B4GALT7: variants seen among roughly 807,000 people sequenced by gnomAD.
B4GALT7 encodes the protein UDP-Gal:beta-GlcNAc beta-1,4-galactosyltransferase 7.
Under a neutral mutation model 33.0 loss-of-function variants are expected in B4GALT7, and 30 were observed. The ratio of observed to expected loss-of-function variants is 0.91; its 90% CI spans 0.68 to 1.23. B4GALT7 has a LOEUF of 1.23. Among genes scored for constraint, B4GALT7 ranks in the 50% most tolerant of loss-of-function variants. B4GALT7 has a pLI of 0.00. For missense variants in B4GALT7, 507 were observed against 450.8 expected (o/e 1.12, Z -1.13); for synonymous variants, 213 against 187.2 (o/e 1.14, Z -1.13).
Position 177,608,537 on chromosome 5 carries a change from A to G in B4GALT7, c.640-2A>G. The G allele has an allele frequency of 6.2e-7, 1 of 1,611,400 alleles. No homozygotes were observed. The highest frequency in any genetic ancestry group is 8.5e-7 in the Non-Finnish European group (1 of 1,178,818). ...GAGTGACGCTGCTTGTCTCTGTGTC[A>G]GTGCAATGGGATGTCCAACCGCTTC... is the stretch of plus-strand genomic sequence containing the variant. On this transcript the variant is annotated splice_acceptor_variant, in intron 3 of 5. Transcript: ENST00000029410. LOFTEE classifies it high-confidence loss of function. The surrounding 1 kb of genome is among the most constrained non-coding windows in gnomAD (Gnocchi z 4.1).
chr5:177,609,324 C>T (rs1768109588), intron 5 of B4GALT7, among the ~76,000 whole-genome samples: 2 of 152,176 alleles, frequency 1.3e-5, no homozygotes, highest in Admixed American at 1.3e-4. Flanking sequence ...CAAACAGCCC[C>T]TTCTCTAGGA....
At chr5:177,607,650 G>A in intron 3 of B4GALT7, 123 bp downstream of exon 3, 2 of 954,390 alleles carry the variant, frequency 2.1e-6, no homozygotes, top group Non-Finnish European at 3.2e-6. Flanking sequence ...CCTAGCAGGA[G>A]AACTTGGGAG....
chr5:177,610,287 T>A lies in B4GALT7; in HGVS notation c.*592T>A, dbSNP rs1768145170. ...TGCTGGATTCTTAAGTGATATCTTC[T>A]GATTTTTTAAATGATAGCACCTAAA... On this transcript the variant is annotated 3_prime_UTR_variant, in exon 6 of 6. Transcript: ENST00000029410. 6.4e-6 allele frequency: 1 copy of A among 155,308 alleles called. No homozygotes were observed. The highest frequency in any genetic ancestry group is 2.4e-5 in the African/African-American group (1 of 41,510). The allele number at this position is 155,308 out of a possible 1,614,324, so 9.6% of individuals were successfully genotyped here. A position where few individuals can be genotyped will look rare whatever the true frequency, so the allele number is the denominator to read the frequency against.
In B4GALT7 at chr5:177,609,522, T is replaced by G; in HGVS notation, c.829-18T>G. On this transcript the variant is annotated intron_variant, in intron 5 of 5. Coordinates refer to ENST00000029410, the MANE Select transcript of B4GALT7 (RefSeq NM_007255.3). Reference sequence around the variant, plus strand: ...CATGCAGCCCTGAGTCCGTGCTCTTTCCTCTCTTCCTCCCCAGGAGCAGTT... The same window carrying G: ...CATGCAGCCCTGAGTCCGTGCTCTTGCCTCTCTTCCTCCCCAGGAGCAGTT... 2 of 1,612,578 alleles carry G rather than the reference T, an allele frequency of 1.2e-6. No individual in the cohort carries two copies. Among genetic ancestry groups the G allele is most frequent in the Non-Finnish European group, 1.7e-6 (2 of 1,179,980 alleles).
chr5:177,602,078 C>T (rs957759253), intron 1 of B4GALT7, among the ~76,000 whole-genome samples: 2 of 152,144 alleles, frequency 1.3e-5, no homozygotes, highest in African/African-American at 4.8e-5. Flanking sequence ...ACCCTGTCCC[C>T]AGAAAAAGCC....
In B4GALT7 at chr5:177,608,134, G is replaced by A. The variant is rs1768067236; in HGVS notation, c.640-405G>A. On this transcript the variant is annotated intron_variant, in intron 3 of 5. Transcript: ENST00000029410. The surrounding 1 kb of genome is among the most constrained non-coding windows in gnomAD (Gnocchi z 4.1). ...AGCTTTATGTAAATGAAGCCCCTGA[G>A]CCAGGTGCAAGAATGGGTGTCTGTC... The A allele has an allele frequency of 4.0e-6, 1 of 248,064 alleles. No individual in the cohort carries two copies. Among genetic ancestry groups the A allele is most frequent in the South Asian group, 5.1e-5 (1 of 19,744 alleles). The allele number at this position is 248,064 out of a possible 1,614,324, so 15.4% of individuals were successfully genotyped here.
intron 1 of B4GALT7, 91 bp from the exon 2 acceptor site, chr5:177,604,088 G>A: frequency 1.9e-6 from 3 of 1,575,264 alleles, no homozygotes; most frequent in South Asian, 1.1e-5. Context: ...GACGAGTTAT[G>A]TGCAGCCTCC....
chr5:177,604,542 G>A lies in B4GALT7; in HGVS notation c.413+1G>A. On this transcript the variant is annotated splice_donor_variant, in intron 2 of 5. Transcript: ENST00000029410. LOFTEE classifies it high-confidence loss of function. The stretch of plus-strand genomic sequence containing the variant: ...TGCTCAACCAGGTGGACCACTTCAG[G>A]TAGCGCCCGCCCCCACCCTCTCCCC... 1 of 1,613,640 alleles carries A rather than the reference G, an allele frequency of 6.2e-7. No individual in the cohort carries two copies. The highest frequency in any genetic ancestry group is 8.5e-7 in the Non-Finnish European group (1 of 1,179,916).
Position 177,608,571 on chromosome 5 carries a change from G to C in B4GALT7, c.672G>C (p.Trp224Cys), listed in dbSNP as rs1394017597. Reference sequence around the variant, plus strand: ...GGATGTCCAACCGCTTCTGGGGCTGGGGCCGCGAGGACGACGAGTTCTACC... The same window carrying C: ...GGATGTCCAACCGCTTCTGGGGCTGCGGCCGCGAGGACGACGAGTTCTACC... ...CNGMSNRFWGWGREDDEFYRR... is the reference protein window; with the variant it reads ...CNGMSNRFWGCGREDDEFYRR... Residue 224 changes from tryptophan to cysteine, a missense_variant, in exon 4 of 6, where the codon TGG (tryptophan) becomes TGC (cysteine). Physicochemically the swap from Trp to Cys is radical, Grantham distance 215. Transcript: ENST00000029410. This position sits in a 1 kb window ranked among gnomAD's most constrained non-coding sequence, Gnocchi z 4.1. 4 of 1,614,074 alleles carry C rather than the reference G, an allele frequency of 2.5e-6. No individual in the cohort carries two copies. The highest frequency in any genetic ancestry group is 3.4e-6 in the Non-Finnish European group (4 of 1,180,022).
rs141456011 is a variant in B4GALT7, at chr5:177,606,908, C to T, written c.414-394C>T. 1,282 of 361,004 alleles carry T rather than the reference C, an allele frequency of 3.6e-3. 8 individuals carry two copies. The highest frequency in any genetic ancestry group is 0.018 in the Middle Eastern group (18 of 1,014). The allele number at this position is 361,004 out of a possible 1,614,324, so 22.4% of individuals were successfully genotyped here. ...CCTTCAGGTTTCTGTCACTCAGTTC[C>T]CCTGGCCCTCCCTGACGGCCCCACC... On this transcript the variant is annotated intron_variant, in intron 2 of 5. Coordinates refer to ENST00000029410, the MANE Select transcript of B4GALT7 (RefSeq NM_007255.3). This position sits in a 1 kb window ranked among gnomAD's most constrained non-coding sequence, Gnocchi z 4.2.
chr5:177,606,924 C>T lies in B4GALT7; in HGVS notation c.414-378C>T, dbSNP rs940620324. ...ACTCAGTTCCCCTGGCCCTCCCTGA[C>T]GGCCCCACCGAGGACAAGAGCCACC... On this transcript the variant is annotated intron_variant, in intron 2 of 5. Transcript: ENST00000029410. This position sits in a 1 kb window ranked among gnomAD's most constrained non-coding sequence, Gnocchi z 4.2. 10 of 367,060 alleles carry T rather than the reference C, an allele frequency of 2.7e-5. No individual in the cohort carries two copies. The highest frequency in any genetic ancestry group is 4.2e-5 in the African/African-American group (2 of 47,340). 22.7% of individuals were successfully genotyped at this position (367,060 alleles called of 1,614,324 possible).
chr5:177,604,352 GC>G lies in B4GALT7; in HGVS notation c.230del (p.Pro77GlnfsTer43). On this transcript the variant is annotated frameshift_variant, in exon 2 of 6. Coordinates refer to ENST00000029410, the MANE Select transcript of B4GALT7 (RefSeq NM_007255.3). LOFTEE classifies it high-confidence loss of function. ...GAGACCTCGGGCCCTCCCCGTGCCTGCCCCCCAGAGCCGCCCCCTGAGCACT... is the reference window on the plus strand; with the variant it reads ...GAGACCTCGGGCCCTCCCCGTGCCTGCCCCCAGAGCCGCCCCCTGAGCACT... Reference protein sequence around the residue: ...GQETSGPPRACPPEPPPEHWE... With the variant: ...GQETSGPPRAXPPEPPPEHWE... 1 of 1,611,726 alleles carries G rather than the reference GC, an allele frequency of 6.2e-7. No homozygotes were observed. The highest frequency in any genetic ancestry group is 1.1e-5 in the South Asian group (1 of 90,882).
intron 1 of B4GALT7, among the ~76,000 whole-genome samples, chr5:177,602,514 C>T (rs140743047): frequency 6.2e-4 from 94 of 152,134 alleles, no homozygotes; most frequent in African/African-American, 2.1e-3. Flanking sequence ...AAAGTGGGAG[C>T]ATTATGGGGG....
In B4GALT7 at chr5:177,609,787, T is replaced by C; in HGVS notation, c.*92T>C. On this transcript the variant is annotated 3_prime_UTR_variant, in exon 6 of 6. Coordinates refer to ENST00000029410, the MANE Select transcript of B4GALT7 (RefSeq NM_007255.3). ...GGTCGTGGGCCCAGCTCTGACAGGA[T>C]GTGGAGTGGCCAGGACCAAGACAGC... 2 of 1,505,800 alleles carry C rather than the reference T, an allele frequency of 1.3e-6. No individual in the cohort carries two copies. Among genetic ancestry groups the C allele is most frequent in the Non-Finnish European group, 1.8e-6 (2 of 1,110,528 alleles). The allele number at this position is 1,505,800 out of a possible 1,614,324, so 93.3% of individuals were successfully genotyped here.
chr5:177,604,170 T>C lies in B4GALT7; in HGVS notation c.51-9T>C. ...CCGCCCTCCTGACCCTGTCCCGCGC[T>C]TGCTCCAGGTCCGGGTTGCTCTCCG... On this transcript the variant is annotated splice_polypyrimidine_tract_variant and intron_variant, in intron 1 of 5. Transcript: ENST00000029410. The C allele has an allele frequency of 6.2e-7, 1 of 1,613,428 alleles. No homozygotes were observed. The highest frequency in any genetic ancestry group is 1.1e-5 in the South Asian group (1 of 91,076).
intron 1 of B4GALT7, among the ~76,000 whole-genome samples, chr5:177,601,705 T>C (rs989731651): frequency 3.3e-5 from 5 of 152,188 alleles, no homozygotes. Context: ...TGGGCAGTGA[T>C]TGATGAGGGA....
chr5:177,604,152 C>T (rs1335429184), intron 1 of B4GALT7, 27 bp from the exon 2 acceptor site: 1 of 1,613,000 alleles, frequency 6.2e-7, no homozygotes, highest in Non-Finnish European at 8.5e-7. Context: ...GCCCCGCCCT[C>T]CTGACCCTGT....
rs985373366 is a variant in B4GALT7, at chr5:177,607,586, G to A, written c.639+59G>A. On this transcript the variant is annotated intron_variant, in intron 3 of 5. Coordinates refer to ENST00000029410, the MANE Select transcript of B4GALT7 (RefSeq NM_007255.3). ...GGGAGCTCCCTCCAGGCTGCGGGTGGTGGGAAGGATGGGGCAGTGCCTCTG... is the reference window on the plus strand; with the variant it reads ...GGGAGCTCCCTCCAGGCTGCGGGTGATGGGAAGGATGGGGCAGTGCCTCTG... 6 of 1,534,672 alleles carry A rather than the reference G, an allele frequency of 3.9e-6. No individual in the cohort carries two copies. The African/African-American group carries it at 8.2e-5, about 21-fold the overall frequency.
rs1170479085 is a variant in B4GALT7 at position 177,608,802 on chromosome 5, C to T, written c.724-108C>T. 2 of 1,177,364 alleles carry T rather than the reference C, an allele frequency of 1.7e-6. No homozygotes were observed. The highest frequency in any genetic ancestry group is 2.5e-6 in the Non-Finnish European group (2 of 795,850). 72.9% of individuals were successfully genotyped at this position (1,177,364 alleles called of 1,614,324 possible). On this transcript the variant is annotated intron_variant, in intron 4 of 5. Transcript: ENST00000029410. The surrounding 1 kb of genome is among the most constrained non-coding windows in gnomAD (Gnocchi z 4.1). ...GCCCTGTGGGCCCCAGTCTCCTCTCCTGCAGGCTGGGAGTGCAGGTCCCTT... is the reference window on the plus strand; with the variant it reads ...GCCCTGTGGGCCCCAGTCTCCTCTCTTGCAGGCTGGGAGTGCAGGTCCCTT...
Sources: allele counts gnomAD v4.1 joint callset (sites outside exome capture counted in the v4.1 genomes callset), GRCh38; gene constraint gnomAD v4.1.1; non-coding constraint Gnocchi (gnomAD v3.1); transcripts MANE v1.5; gene names NCBI Gene and HGNC (gene_info 2026-07-23, HGNC 2026-07-21).